Variants in SEPTIN9 observed in about 807,000 individuals in gnomAD.
SEPTIN9 encodes septin-9.
A neutral mutation model predicts 56.6 loss-of-function variants in SEPTIN9; 13 were observed. That is an observed-to-expected ratio of 0.23 (90% CI 0.15 to 0.37). The LOEUF (loss-of-function observed/expected upper bound fraction) is 0.37. Among genes scored for constraint, SEPTIN9 ranks in the 10% least tolerant of loss-of-function variants. The pLI, the probability that SEPTIN9 is intolerant of heterozygous loss-of-function variation, is 1.00. For synonymous variants in SEPTIN9, 332 were observed against 334.1 expected, an observed-to-expected ratio of 0.99 and a Z score of 0.07; for missense variants, 650 against 823.1, an observed-to-expected ratio of 0.79 and a Z score of 2.57.
intron 2 of SEPTIN9, among the ~76,000 whole-genome samples, chr17:77,346,114 G>C (rs1188304800): frequency 6.6e-6 from 1 of 151,668 alleles, no homozygotes; most frequent in Non-Finnish European, 1.5e-5. Flanking sequence ...GCTAATTTTT[G>C]TATTTTTAGT....
At chr17:77,457,775 G>T (rs55764465) in intron 3 of SEPTIN9, among the ~76,000 whole-genome samples, 3 of 152,364 alleles carry the variant, frequency 2.0e-5, no homozygotes, top group Admixed American at 1.3e-4. Flanking sequence ...ACTCTGGACC[G>T]GGCACCCTGG....
At chr17:77,478,518 C>T (rs768655398) in intron 3 of SEPTIN9, among the ~76,000 whole-genome samples, 1 of 152,110 alleles carries the variant, frequency 6.6e-6, no homozygotes, top group Non-Finnish European at 1.5e-5. Context: ...AAATCAAAGG[C>T]GGGACAGGCC....
At chr17:77,413,284 T>C (rs546641604) in intron 3 of SEPTIN9, among the ~76,000 whole-genome samples, 193 of 152,350 alleles carry the variant, frequency 1.3e-3, no homozygotes, top group Non-Finnish European at 2.1e-3. Context: ...CTGAGCCTGA[T>C]ACTTTTGGGG....
rs1194600649 is a variant in SEPTIN9 at position 77,425,811 on chromosome 17, A to G, written c.721+23108A>G. Among the ~76,000 whole-genome samples, 1 of 151,466 alleles carries G rather than the reference A, an allele frequency of 6.6e-6. No homozygotes were observed. Among genetic ancestry groups the G allele is most frequent in the Non-Finnish European group, 1.5e-5 (1 of 67,902 alleles). ...GTGCTTAGAATCTGTGCGTGGAGCC[A>G]GAAGTCACAAGGTTGGCCCAGCTGT... On this transcript the variant is annotated intron_variant, in intron 3 of 11. Transcript: ENST00000427177. This position sits in a 1 kb window ranked among gnomAD's most constrained non-coding sequence, Gnocchi z 4.2.
intron 1 of SEPTIN9, among the ~76,000 whole-genome samples, chr17:77,283,101 C>T (rs1715490): frequency 0.16 from 24,255 of 151,358 alleles, 2,121 homozygotes; most frequent in African/African-American, 0.22. Context: ...GTGGGGAGAC[C>T]ATCACTTGTC....
chr17:77,334,279 G>A (rs952683554), intron 2 of SEPTIN9, among the ~76,000 whole-genome samples: 21 of 152,110 alleles, frequency 1.4e-4, no homozygotes, highest in East Asian at 5.8e-4. Flanking sequence ...AAAATTAGCC[G>A]GGCGTGGTGG....
At chr17:77,306,441 TCTC>T (rs986922611) in intron 1 of SEPTIN9, among the ~76,000 whole-genome samples, 5 of 152,184 alleles carry the variant, frequency 3.3e-5, no homozygotes, top group African/African-American at 7.2e-5. Context: ...CCTCAGCAAA[TCTC>T]CTCGAGTTAG....
At chr17:77,333,346 A>G (rs1240133593) in intron 2 of SEPTIN9, among the ~76,000 whole-genome samples, 4 of 152,148 alleles carry the variant, frequency 2.6e-5, no homozygotes, top group African/African-American at 9.7e-5. Context: ...CTTTTGTCAG[A>G]TACGTGTTTT....
chr17:77,388,101 G>C (rs1191524138), intron 2 of SEPTIN9, among the ~76,000 whole-genome samples: 2 of 152,162 alleles, frequency 1.3e-5, no homozygotes, highest in Admixed American at 6.5e-5. Flanking sequence ...GCTGTGTCTG[G>C]CTCTCGCGGT....
At chr17:77,497,433 G>T in intron 11 of SEPTIN9, 67 bp downstream of exon 11, 5 of 1,483,522 alleles carry the variant, frequency 3.4e-6, no homozygotes, top group Non-Finnish European at 4.7e-6. Flanking sequence ...AGCGGGTGGG[G>T]GCAGTGGGTG....
chr17:77,320,095 A>G (rs1470011124), intron 2 of SEPTIN9: 40 of 1,442,108 alleles, frequency 2.8e-5, no homozygotes, highest in Non-Finnish European at 3.6e-5. Context: ...TGAAGAGACA[A>G]TGCTACTTCA....
At chr17:77,365,940 A>G (rs111554990) in intron 2 of SEPTIN9, among the ~76,000 whole-genome samples, 1 of 152,176 alleles carries the variant, frequency 6.6e-6, no homozygotes, top group Admixed American at 6.5e-5. Context: ...CCTGCACTGC[A>G]TCGGTGGCAA....
chr17:77,488,333 C>A lies in SEPTIN9; in HGVS notation c.1124+12C>A. 6.2e-7 allele frequency: 1 copy of A among 1,610,172 alleles called. No homozygotes were observed. The highest frequency in any genetic ancestry group is 1.3e-5 in the African/African-American group (1 of 74,962). Reference sequence around the variant, plus strand: ...AACAACGAGAACTGGTGAGGCCCCTCCAGGGGGAGGAGCACTAGCGGGGGC... The same window carrying A: ...AACAACGAGAACTGGTGAGGCCCCTACAGGGGGAGGAGCACTAGCGGGGGC... On this transcript the variant is annotated intron_variant, in intron 6 of 11. Transcript: ENST00000427177.
chr17:77,432,425 TCATGGC>T (rs2037179112), intron 3 of SEPTIN9, among the ~76,000 whole-genome samples: 1 of 152,244 alleles, frequency 6.6e-6, no homozygotes, highest in Admixed American at 6.5e-5. Context: ...GTTCATTTAT[TCATGGC>T]CGAGGCCCCG....
At position 77,476,036 on chromosome 17, in the gene SEPTIN9, C is replaced by T; in HGVS notation, c.722-6108C>T. The stretch of plus-strand genomic sequence containing the variant: ...GGGGTGCAGGCCCGGCTGTCACTCC[C>T]CTGGAGCTGGGAATGGCATTGGGCG... On this transcript the variant is annotated intron_variant, in intron 3 of 11. Coordinates refer to ENST00000427177, the MANE Select transcript of SEPTIN9 (RefSeq NM_001113491.2). The surrounding 1 kb of genome is among the most constrained non-coding windows in gnomAD (Gnocchi z 6.0). 1 of 966,586 alleles carries T rather than the reference C, an allele frequency of 1.0e-6. No individual in the cohort carries two copies. The highest frequency in any genetic ancestry group is 1.6e-5 in the South Asian group (1 of 64,204). 59.9% of individuals were successfully genotyped at this position (966,586 alleles called of 1,614,324 possible).
intron 3 of SEPTIN9, among the ~76,000 whole-genome samples, chr17:77,458,959 C>T (rs147844682): frequency 1.6e-3 from 240 of 152,296 alleles, no homozygotes; most frequent in African/African-American, 5.0e-3. Flanking sequence ...AATGGCTTGG[C>T]GTCTGGAAGT....
chr17:77,391,301 A>G (rs762630357), intron 2 of SEPTIN9, among the ~76,000 whole-genome samples: 2 of 152,038 alleles, frequency 1.3e-5, no homozygotes, highest in African/African-American at 4.8e-5. Flanking sequence ...TGGGGTCTAT[A>G]TCCTGGGGTT....
chr17:77,400,737 G>C lies in SEPTIN9; in HGVS notation c.77-1322G>C, dbSNP rs2035870832. ...TGGCCTGGTGAGGCAGGGAGCGGCT[G>C]GGGAGACACTGTGGGTCTCCACAGG... On this transcript the variant is annotated intron_variant, in intron 2 of 11. Transcript: ENST00000427177. This position sits in a 1 kb window ranked among gnomAD's most constrained non-coding sequence, Gnocchi z 4.1. The C allele has an allele frequency of 6.6e-6, 1 of 152,568 alleles. No homozygotes were observed. Among genetic ancestry groups the C allele is most frequent in the African/African-American group, 2.4e-5 (1 of 41,418 alleles). 9.5% of individuals were successfully genotyped at this position (152,568 alleles called of 1,614,324 possible). A position where few individuals can be genotyped will look rare whatever the true frequency, so the allele number is the denominator to read the frequency against.
At chr17:77,484,574 G>C (rs1568111227) in intron 4 of SEPTIN9, among the ~76,000 whole-genome samples, 1 of 39,324 alleles carries the variant, frequency 2.5e-5, no homozygotes, top group Admixed American at 1.8e-4. Context: ...TGTGGTGATG[G>C]TGGTTATGAT....
Sources: allele counts gnomAD v4.1 joint callset (sites outside exome capture counted in the v4.1 genomes callset), GRCh38; gene constraint gnomAD v4.1.1; non-coding constraint Gnocchi (gnomAD v3.1); transcripts MANE v1.5; gene names NCBI Gene and HGNC (gene_info 2026-07-23, HGNC 2026-07-21).